The following KRT79 variants were observed in gnomAD, a reference collection of about 807,000 sequenced individuals.
KRT79 encodes the protein keratin, type II cytoskeletal 79.
In KRT79, 51 loss-of-function variants were observed where a neutral mutation model predicts 49.0. The observed-to-expected ratio is 1.04, with a 90% confidence interval of 0.83 to 1.31. The LOEUF (loss-of-function observed/expected upper bound fraction) is 1.31, where lower values mean the gene tolerates loss of function less well. KRT79 is among the 40% of genes most tolerant of loss of function. KRT79 has a pLI of 0.00. For synonymous variants in KRT79, 312 were observed against 286.6 expected, an observed-to-expected ratio of 1.09 and a Z score of -0.90; for missense variants, 728 against 688.0, an observed-to-expected ratio of 1.06 and a Z score of -0.65.
In KRT79 at chr12:52,823,043, C is replaced by T. The variant is rs764247530; in HGVS notation, c.1340G>A (p.Arg447His). 48 of 1,613,978 alleles carry T rather than the reference C, an allele frequency of 3.0e-5. No individual in the cohort carries two copies. The highest frequency in any genetic ancestry group is 1.6e-4 in the Middle Eastern group (1 of 6,076). ...GCTCTCCTCGCTCTCCAGAAGCTTGCGGTAGGTGGCAATCTCCACGTCCAG... is the reference window on the plus strand; with the variant it reads ...GCTCTCCTCGCTCTCCAGAAGCTTGTGGTAGGTGGCAATCTCCACGTCCAG... ...LALDVEIATY[R>H]KLLESEESRM... The change falls in exon 7 of 9, where the codon CGC becomes CAC. Residue 447 changes from arginine to histidine, a missense_variant. Physicochemically the swap from Arg to His is conservative, Grantham distance 29 (BLOSUM62 0). Coordinates refer to ENST00000330553, the MANE Select transcript of KRT79 (RefSeq NM_175834.3).
intron 4 of KRT79, among the ~76,000 whole-genome samples, chr12:52,825,808 G>A (rs1483672402): frequency 6.6e-6 from 1 of 152,148 alleles, no homozygotes; most frequent in Non-Finnish European, 1.5e-5. Flanking sequence ...AACACGCACT[G>A]GCTGTGTAGC....
chr12:52,831,588 G>T lies in KRT79; in HGVS notation c.516C>A (p.Thr172=), dbSNP rs1444372293. The change falls in exon 2 of 9, where the codon ACC becomes ACA. Residue 172 remains threonine, a synonymous_variant. Transcript: ENST00000330553. ...CCTGCTCCTGCAGCAGTGCCCACTT[G>T]GTCTCCAGCACCTTATTCTGTTGCT... is the stretch of plus-strand genomic sequence containing the variant. ...FLEQQNKVLE[T]KWALLQEQGQ... is the part of the protein sequence containing the mutation. The T allele has an allele frequency of 3.1e-6, 5 of 1,614,054 alleles. No individual in the cohort carries two copies. Among genetic ancestry groups the T allele is most frequent in the Non-Finnish European group, 4.2e-6 (5 of 1,180,044 alleles).
In KRT79 at chr12:52,830,111, T is replaced by A. The variant is rs767450689; in HGVS notation, c.767A>T (p.Asp256Val). 1 of 1,614,094 alleles carries A rather than the reference T, an allele frequency of 6.2e-7. No individual in the cohort carries two copies. The highest frequency in any genetic ancestry group is 8.5e-7 in the Non-Finnish European group (1 of 1,179,996). ...ATCCATCCGGCCCATGTATGCTGCA[T>A]CCACATCCTGGGGACGAGAGAGCAA... ...NEFVVLKKDVDAAYMGRMDLH... is the reference protein window; with the variant it reads ...NEFVVLKKDVVAAYMGRMDLH... The change falls in exon 4 of 9, where the codon GAT becomes GTT. Residue 256 changes from aspartate to valine, a missense_variant. By Grantham distance (152) the Asp-to-Val change is radical. Coordinates refer to ENST00000330553, the MANE Select transcript of KRT79 (RefSeq NM_175834.3).
At chr12:52,832,249 C>T (rs1482694195) in intron 1 of KRT79, among the ~76,000 whole-genome samples, 1 of 152,044 alleles carries the variant, frequency 6.6e-6, no homozygotes, top group Non-Finnish European at 1.5e-5. Context: ...GTCTGGGAAA[C>T]AGAGCAAGAC....
In KRT79 at chr12:52,832,406, T is replaced by C. The variant is rs191520014; in HGVS notation, c.478-780A>G. ...AAACTTTTTTTAAAGTACCAATGTC[T>C]GAGCCCTTCCTCTATAGACTCAGAA... is the stretch of plus-strand genomic sequence containing the variant. On this transcript the variant is annotated intron_variant, in intron 1 of 8. Transcript: ENST00000330553. Among the ~76,000 whole-genome samples the C allele has an allele frequency of 2.2e-4, 33 of 152,206 alleles. No individual in the cohort carries two copies. In the East Asian group the frequency reaches 6.2e-3, roughly 28 times the overall value.
rs1175016194 is a variant in KRT79, at chr12:52,822,379, C to A, written c.1368G>T (p.Arg456Ser). The A allele has an allele frequency of 6.3e-7, 1 of 1,588,638 alleles. No individual in the cohort carries two copies. Among genetic ancestry groups the A allele is most frequent in the Non-Finnish European group, 8.6e-7 (1 of 1,166,162 alleles). ...YRKLLESEES[R>S]MSGECPSAVS... ...CTGCACTGGGACATTCTCCAGACAT[C>A]CTAGGGGACACAGAAAGGCCAGGAG... Residue 456 changes from arginine (R) to serine (S), a missense_variant and splice_region_variant, in exon 8 of 9, where the codon AGG (arginine) becomes AGT (serine). Coordinates refer to ENST00000330553, the MANE Select transcript of KRT79 (RefSeq NM_175834.3).
At chr12:52,833,727 T>A (rs1940289986) in intron 1 of KRT79, 57 bp downstream of exon 1, 5 of 1,400,044 alleles carry the variant, frequency 3.6e-6, no homozygotes, top group Non-Finnish European at 5.1e-6. Flanking sequence ...GCCCACCCTC[T>A]ATTAGAGGTC....
At chr12:52,822,509 A>G in intron 7 of KRT79, 130 bp from the exon 8 acceptor site, 1 of 683,574 alleles carries the variant, frequency 1.5e-6, no homozygotes, top group Non-Finnish European at 2.5e-6. Flanking sequence ...GAAACATGAG[A>G]AGTATGTGTA....
chr12:52,830,123 G>GGACGAGA lies in KRT79; in HGVS notation c.760-12_760-6dup. 6.2e-7 allele frequency: 1 copy of GGACGAGA among 1,614,042 alleles called. No individual in the cohort carries two copies. Among genetic ancestry groups the GGACGAGA allele is most frequent in the South Asian group, 1.1e-5 (1 of 91,076 alleles). On this transcript the variant is annotated splice_region_variant and splice_polypyrimidine_tract_variant and intron_variant, in intron 3 of 8. Transcript: ENST00000330553. ...CATGTATGCTGCATCCACATCCTGG[G>GGACGAGA]GACGAGAGAGCAAGACAGATCCTCA...
rs1270183503 is a variant in KRT79, at chr12:52,833,801, C to T, written c.460G>A (p.Ala154Thr). Residue 154 changes from alanine (A) to threonine (T), a missense_variant, in exon 1 of 9, where the codon GCC becomes ACC. By Grantham distance (58) the Ala-to-Thr change is moderately conservative (BLOSUM62 0). Coordinates refer to ENST00000330553, the MANE Select transcript of KRT79 (RefSeq NM_175834.3). ...TGGCCCACCTTGTCGATGAAGGAGG[C>T]GAACTTGTTGTTGAGGGTCTTGATC... ...EQIKTLNNKF[A>T]SFIDKVRFLE... 17 of 1,613,752 alleles carry T rather than the reference C, an allele frequency of 1.1e-5. No homozygotes were observed. The highest frequency in any genetic ancestry group is 4.5e-5 in the East Asian group (2 of 44,860).
chr12:52,834,148 AC>A lies in KRT79; in HGVS notation c.112del (p.Val38CysfsTer87). On this transcript the variant is annotated frameshift_variant, in exon 1 of 9. Transcript: ENST00000330553. LOFTEE classifies it high-confidence loss of function. ...QARTSFSSVT[V>X]SRSSGSGGGA... ...GCCACCACTGCCACTGCTCCGAGAC[AC>A]CGTCACTGAGCTGAAGCTGGTGCGG... The A allele has an allele frequency of 6.2e-7, 1 of 1,613,146 alleles. No homozygotes were observed. Among genetic ancestry groups the A allele is most frequent in the Non-Finnish European group, 8.5e-7 (1 of 1,179,766 alleles).
rs1940301856 is a variant in KRT79, at chr12:52,834,157, G to A, written c.104C>T (p.Ser35Leu). 2 of 1,613,530 alleles carry A rather than the reference G, an allele frequency of 1.2e-6. No individual in the cohort carries two copies. Among genetic ancestry groups the A allele is most frequent in the Non-Finnish European group, 1.7e-6 (2 of 1,179,912 alleles). ...SGSQARTSFS[S>L]VTVSRSSGSG... ...GCCACTGCTCCGAGACACCGTCACT[G>A]AGCTGAAGCTGGTGCGGGCCTGGGA... Residue 35 changes from serine to leucine, a missense_variant, in exon 1 of 9, where the codon TCA (serine) becomes TTA (leucine). By Grantham distance (145) the Ser-to-Leu change is moderately radical. Coordinates refer to ENST00000330553, the MANE Select transcript of KRT79 (RefSeq NM_175834.3).
intron 1 of KRT79, among the ~76,000 whole-genome samples, 190 bp downstream of exon 1, chr12:52,833,594 G>A (rs948268654): frequency 7.9e-5 from 12 of 152,084 alleles, no homozygotes; most frequent in Non-Finnish European, 1.5e-4. Flanking sequence ...GCACAGGCAC[G>A]GTGAAGACCT....
chr12:52,822,291 A>G (rs1940102927), intron 8 of KRT79, 54 bp downstream of exon 8: 5 of 1,574,530 alleles, frequency 3.2e-6, no homozygotes, highest in Non-Finnish European at 4.3e-6. Context: ...TAAACTGAGC[A>G]GAGTTCTGGG....
At chr12:52,832,558 G>C (rs1425455844) in intron 1 of KRT79, among the ~76,000 whole-genome samples, 1 of 151,956 alleles carries the variant, frequency 6.6e-6, no homozygotes, top group Non-Finnish European at 1.5e-5. Flanking sequence ...GTTTTGGCTT[G>C]TTTGGCCTCT....
intron 4 of KRT79, among the ~76,000 whole-genome samples, chr12:52,825,597 G>A (rs1277198144): frequency 6.6e-6 from 1 of 152,186 alleles, no homozygotes; most frequent in Non-Finnish European, 1.5e-5. Context: ...GGAACAAAGA[G>A]AGACAGGGGG....
chr12:52,825,571 A>G lies in KRT79; in HGVS notation c.856-1209T>C, dbSNP rs190190530. Among the ~76,000 whole-genome samples, 36 of 152,332 alleles carry G rather than the reference A, an allele frequency of 2.4e-4. No homozygotes were observed. The East Asian group carries it at 5.8e-3, about 24-fold the overall frequency. On this transcript the variant is annotated intron_variant, in intron 4 of 8. Coordinates refer to ENST00000330553, the MANE Select transcript of KRT79 (RefSeq NM_175834.3). Reference sequence around the variant, plus strand: ...ATCAGAAGCTGAGAGGACGTAGACTAAAATAGAGATAGGCAGGAACAAAGA... The same window carrying G: ...ATCAGAAGCTGAGAGGACGTAGACTGAAATAGAGATAGGCAGGAACAAAGA...
chr12:52,824,709 A>G lies in KRT79; in HGVS notation c.856-347T>C, dbSNP rs73305815. Among the ~76,000 whole-genome samples the G allele has an allele frequency of 7.5e-3, 1,148 of 152,324 alleles. 15 individuals are homozygous for G. Among genetic ancestry groups the G allele is most frequent in the African/African-American group, 0.026 (1,095 of 41,572 alleles). ...CCTCAGAACACCCTGTGCAGCTGGC[A>G]GGCCCATGGCAGGCTCACAGGGTGC... On this transcript the variant is annotated intron_variant, in intron 4 of 8. Transcript: ENST00000330553.
intron 5 of KRT79, 74 bp downstream of exon 5, chr12:52,824,124 G>C: frequency 6.2e-7 from 1 of 1,612,712 alleles, no homozygotes; most frequent in Non-Finnish European, 8.5e-7. Flanking sequence ...AAGGGTCCCA[G>C]AGGCCCAAGC....
Sources: gnomAD v4.1 joint callset for allele counts (sites outside exome capture counted in the v4.1 genomes callset) on GRCh38, gnomAD v4.1.1 for gene constraint, MANE v1.5 for transcripts, NCBI Gene and HGNC (gene_info 2026-07-23, HGNC 2026-07-21) for gene names.